MUC17: variants seen among roughly 807,000 people sequenced by gnomAD.
The protein encoded by MUC17 is mucin-17.
A neutral mutation model predicts 170.3 loss-of-function variants in MUC17; 190 were observed. That is an observed-to-expected ratio of 1.12 (90% CI 0.99 to 1.26). The LOEUF (loss-of-function observed/expected upper bound fraction) is 1.26, where lower values mean the gene tolerates loss of function less well. Among genes scored for constraint, MUC17 ranks in the 50% most tolerant of loss-of-function variants. The pLI is 0.00. For missense variants in MUC17, 6,415 were observed against 5,530.0 expected (o/e 1.16, Z -5.08); for synonymous variants, 2,325 against 2,002.5 (o/e 1.16, Z -4.30).
chr7:101,021,881 G>C (rs184140789), intron 1 of MUC17, among the ~76,000 whole-genome samples: 3 of 152,170 alleles, frequency 2.0e-5, no homozygotes, highest in African/African-American at 7.2e-5. Context: ...AGCTGCAGTG[G>C]CCTCAGCCTG....
rs775346739 is a variant in MUC17 at position 101,036,261 on chromosome 7, C to T, written c.4845C>T (p.Thr1615=). 4.9e-5 allele frequency: 79 copies of T among 1,613,230 alleles called. No individual in the cohort carries two copies. Among genetic ancestry groups the T allele is most frequent in the Non-Finnish European group, 5.8e-5 (69 of 1,179,862 alleles). ...CTACTGAAGCCAGTTCATCTACAAC[C>T]GCTGAAGGTAGCAGCATGACAATCT... is the stretch of plus-strand genomic sequence containing the variant. ...TASTEASSST[T]AEGSSMTIST... Residue 1615 remains threonine, a synonymous_variant, in exon 3 of 13, where the codon ACC becomes ACT. Coordinates refer to ENST00000306151, the MANE Select transcript of MUC17 (RefSeq NM_001040105.2).
At position 101,022,163 on chromosome 7, in the gene MUC17, ATT is replaced by A. The variant is rs1247384498; in HGVS notation, c.82+1966_82+1967del. On this transcript the variant is annotated intron_variant, in intron 1 of 12. Coordinates refer to ENST00000306151, the MANE Select transcript of MUC17 (RefSeq NM_001040105.2). ...CCCACTCTTGTCCTCCTCCCGAGAG[ATT>A]TTTTTTTTTTTTTTTTTTTGAGGAG... Among the ~76,000 whole-genome samples the A allele has an allele frequency of 9.8e-4, 111 of 112,962 alleles. 1 individual carries two copies. The highest frequency in any genetic ancestry group is 5.5e-3 in the Middle Eastern group (1 of 182). 74.1% of individuals were successfully genotyped at this position (112,962 alleles called of 152,430 possible).
chr7:101,031,253 A>C lies in MUC17; in HGVS notation c.184+32A>C, dbSNP rs764360006. 1.9e-6 allele frequency: 3 copies of C among 1,596,896 alleles called. No individual in the cohort carries two copies. The South Asian group carries it at 3.4e-5, about 18-fold the overall frequency. On this transcript the variant is annotated intron_variant, in intron 2 of 12. Coordinates refer to ENST00000306151, the MANE Select transcript of MUC17 (RefSeq NM_001040105.2). Reference sequence around the variant, plus strand: ...CAACAGACTCCAAGATCTATCTGGGAAGGTGGCTCACCTGCGAAAGGGCTA... The same window carrying C: ...CAACAGACTCCAAGATCTATCTGGGCAGGTGGCTCACCTGCGAAAGGGCTA...
chr7:101,040,738 A>G lies in MUC17; in HGVS notation c.9322A>G (p.Thr3108Ala). 1 of 1,613,040 alleles carries G rather than the reference A, an allele frequency of 6.2e-7. No individual in the cohort carries two copies. The highest frequency in any genetic ancestry group is 1.1e-5 in the South Asian group (1 of 91,042). ...TTATAGTGAAGGAAGCACTCCATTA[A>G]CAGGTGTGCCTGTCAGCACCACACC... ...STYSEGSTPLTGVPVSTTPVT... is the reference protein window; with the variant it reads ...STYSEGSTPLAGVPVSTTPVT... The change falls in exon 3 of 13, where the codon ACA becomes GCA. Residue 3108 changes from threonine (T) to alanine (A), a missense_variant. By Grantham distance (58) the Thr-to-Ala change is moderately conservative (BLOSUM62 0). Coordinates refer to ENST00000306151, the MANE Select transcript of MUC17 (RefSeq NM_001040105.2).
At chr7:101,047,898 A>G (rs1162417212) in intron 3 of MUC17, 86 bp from the exon 4 acceptor site, 1 of 1,427,408 alleles carries the variant, frequency 7.0e-7, no homozygotes, top group Non-Finnish European at 9.3e-7. Context: ...TGTGCTCAAC[A>G]TGTAACCACA....
At position 101,038,461 on chromosome 7, in the gene MUC17, A is replaced by T; in HGVS notation, c.7045A>T (p.Met2349Leu). 1.3e-6 allele frequency: 2 copies of T among 1,598,364 alleles called. No individual in the cohort carries two copies. The highest frequency in any genetic ancestry group is 1.7e-6 in the Non-Finnish European group (2 of 1,172,220). The change falls in exon 3 of 13, where the codon ATG becomes TTG. Residue 2349 changes from methionine to leucine, a missense_variant. Physicochemically the swap from Met to Leu is conservative, Grantham distance 15. Transcript: ENST00000306151. ...PLTRMPVSTT[M>L]VASFETSTLS... Reference sequence around the variant, plus strand: ...AACACGTATGCCTGTCAGCACCACAATGGTGGCCAGTTTTGAAACAAGCAC... The same window carrying T: ...AACACGTATGCCTGTCAGCACCACATTGGTGGCCAGTTTTGAAACAAGCAC...
intron 3 of MUC17, 83 bp from the exon 4 acceptor site, chr7:101,047,901 T>C (rs1794870206): frequency 1.4e-6 from 2 of 1,439,876 alleles, no homozygotes; most frequent in Non-Finnish European, 1.8e-6. Flanking sequence ...GCTCAACATG[T>C]AACCACAGTA....
rs1264101478 is a variant in MUC17, at chr7:101,042,034, A to T, written c.10618A>T (p.Thr3540Ser). The T allele has an allele frequency of 6.2e-7, 1 of 1,607,656 alleles. No homozygotes were observed. The highest frequency in any genetic ancestry group is 8.5e-7 in the Non-Finnish European group (1 of 1,177,664). The change falls in exon 3 of 13, where the codon ACT (threonine) becomes TCT (serine). Residue 3540 changes from threonine (T) to serine (S), a missense_variant. Thr to Ser is a moderately conservative substitution (Grantham distance 58). Coordinates refer to ENST00000306151, the MANE Select transcript of MUC17 (RefSeq NM_001040105.2). ...TTCTGAGGCTAGCACCCTTTCAACA[A>T]CTCCTGTTGACTCCAACACTTTTGT... ...ASSEASTLST[T>S]PVDSNTFVTS...
chr7:101,032,668 G>T lies in MUC17; in HGVS notation c.1252G>T (p.Val418Phe), dbSNP rs769489380. The T allele has an allele frequency of 3.2e-6, 5 of 1,574,118 alleles. No homozygotes were observed. The South Asian group carries it at 5.6e-5, about 18-fold the overall frequency. ...SEASTTSTIPVDSKTFVTTAS... is the reference protein window; with the variant it reads ...SEASTTSTIPFDSKTFVTTAS... ...GGCTAGCACCACTTCAACAATTCCT[G>T]TTGACTCCAAAACTTTTGTGACCAC... Residue 418 changes from valine (V) to phenylalanine (F), a missense_variant, in exon 3 of 13, where the codon GTT (valine) becomes TTT (phenylalanine). Physicochemically the swap from Val to Phe is conservative, Grantham distance 50. Transcript: ENST00000306151.
chr7:101,020,238 G>A lies in MUC17; in HGVS notation c.82+21G>A, dbSNP rs148851988. ...ACAGGGTGAGTGACCCCCACGCCCC[G>A]CTGCCCAAGAGGCCCCCATCCCAGG... On this transcript the variant is annotated intron_variant, in intron 1 of 12. Transcript: ENST00000306151. The A allele has an allele frequency of 4.3e-3, 6,830 of 1,591,890 alleles. 26 individuals carry two copies. Among genetic ancestry groups the A allele is most frequent in the Non-Finnish European group, 5.3e-3 (6,155 of 1,169,918 alleles).
Position 101,038,405 on chromosome 7 carries a change from C to G in MUC17, c.6989C>G (p.Thr2330Ser). The G allele has an allele frequency of 1.9e-6, 3 of 1,614,100 alleles. No homozygotes were observed. Among genetic ancestry groups the G allele is most frequent in the Non-Finnish European group, 2.5e-6 (3 of 1,180,022 alleles). ...ACTGCTGAAGGTACCAGCATGCCAA[C>G]CTCAACTTCTAGTGAAGGAAACACT... ...PPTAEGTSMP[T>S]STSSEGNTPL... The change falls in exon 3 of 13, where the codon ACC (threonine) becomes AGC (serine). Residue 2330 changes from threonine (T) to serine (S), a missense_variant. Coordinates refer to ENST00000306151, the MANE Select transcript of MUC17 (RefSeq NM_001040105.2).
rs769687768 is a variant in MUC17, at chr7:101,035,212, A to G, written c.3796A>G (p.Thr1266Ala). The change falls in exon 3 of 13, where the codon ACC (threonine) becomes GCC (alanine). Residue 1266 changes from threonine (T) to alanine (A), a missense_variant. Transcript: ENST00000306151. ...TSSSPTTAEG[T>A]SLPTSTTSEG... ...TTCCTCTCCTACAACCGCTGAAGGT[A>G]CCAGCTTGCCAACCTCAACTACTAG... 1 of 1,609,616 alleles carries G rather than the reference A, an allele frequency of 6.2e-7. No homozygotes were observed. The highest frequency in any genetic ancestry group is 1.7e-5 in the Admixed American group (1 of 59,778).
chr7:101,039,985 A>G lies in MUC17; in HGVS notation c.8569A>G (p.Ile2857Val), dbSNP rs1402066842. The G allele has an allele frequency of 3.1e-6, 5 of 1,613,380 alleles. No homozygotes were observed. The highest frequency in any genetic ancestry group is 2.2e-5 in the East Asian group (1 of 44,858). ...TTCATCTCCTACAACTGCTGAAGGTATCGTCGTGCCAATCTCAACTGCTAG... is the reference window on the plus strand; with the variant it reads ...TTCATCTCCTACAACTGCTGAAGGTGTCGTCGTGCCAATCTCAACTGCTAG... ...ASSSPTTAEG[I>V]VVPISTASEG... The change falls in exon 3 of 13, where the codon ATC becomes GTC. Residue 2857 changes from isoleucine to valine, a missense_variant. Transcript: ENST00000306151.
In MUC17 at chr7:101,037,216, AG is replaced by A. The variant is rs760613317; in HGVS notation, c.5801del (p.Ser1934ThrfsTer24). Reference sequence around the variant, plus strand: ...GCCTCCATTAACAAGTATACCTGTCAGCACCACAACAGTGGCCAGTTCTGAA... The same window carrying A: ...GCCTCCATTAACAAGTATACCTGTCACACCACAACAGTGGCCAGTTCTGAA... ...GRPPLTSIPV[S>X]TTTVASSEIN... On this transcript the variant is annotated frameshift_variant, in exon 3 of 13. Coordinates refer to ENST00000306151, the MANE Select transcript of MUC17 (RefSeq NM_001040105.2). LOFTEE classifies it high-confidence loss of function. 8 of 1,612,668 alleles carry A rather than the reference AG, an allele frequency of 5.0e-6. No individual in the cohort carries two copies. The South Asian group carries it at 8.8e-5, about 18-fold the overall frequency.
chr7:101,048,188 C>T, intron 4 of MUC17, 73 bp downstream of exon 4: 5 of 1,430,708 alleles, frequency 3.5e-6, no homozygotes, highest in East Asian at 2.6e-5. Context: ...CAGTTCCTGC[C>T]CCACCTTGAT....
chr7:101,050,669 A>G (rs1389707572), intron 7 of MUC17, 34 bp downstream of exon 7: 1 of 1,605,212 alleles, frequency 6.2e-7, no homozygotes, highest in African/African-American at 1.3e-5. Flanking sequence ...GGAAGGGAGA[A>G]GGCATCAGAG....
In MUC17 at chr7:101,039,822, C is replaced by A. The variant is rs756221150; in HGVS notation, c.8406C>A (p.Thr2802=). 6.2e-7 allele frequency: 1 copy of A among 1,609,762 alleles called. No homozygotes were observed. The highest frequency in any genetic ancestry group is 1.1e-5 in the South Asian group (1 of 90,944). ...PTTAEVTSMP[T]STPSETSTPL... Reference sequence around the variant, plus strand: ...CTGCTGAAGTTACCAGCATGCCAACCTCAACTCCTAGTGAAACAAGTACTC... The same window carrying A: ...CTGCTGAAGTTACCAGCATGCCAACATCAACTCCTAGTGAAACAAGTACTC... Residue 2802 remains threonine, a synonymous_variant, in exon 3 of 13, where the codon ACC becomes ACA. Coordinates refer to ENST00000306151, the MANE Select transcript of MUC17 (RefSeq NM_001040105.2).
At chr7:101,030,193 C>G (rs779576940) in intron 1 of MUC17, among the ~76,000 whole-genome samples, 82 of 151,050 alleles carry the variant, frequency 5.4e-4, no homozygotes, top group Non-Finnish European at 9.7e-4. Context: ...AAATCAACCA[C>G]TCACTTATAT....
At chr7:101,024,093 C>T (rs1467441757) in intron 1 of MUC17, among the ~76,000 whole-genome samples, 1 of 148,778 alleles carries the variant, frequency 6.7e-6, no homozygotes, top group Non-Finnish European at 1.5e-5. Context: ...AGCAGGCTTT[C>T]TTTTTTTTTT....
Sources: gnomAD v4.1 joint callset for allele counts (sites outside exome capture counted in the v4.1 genomes callset) on GRCh38, gnomAD v4.1.1 for gene constraint, MANE v1.5 for transcripts, NCBI Gene and HGNC (gene_info 2026-07-23, HGNC 2026-07-21) for gene names.